The following ABCC4 variants were observed in gnomAD, a reference collection of about 807,000 sequenced individuals.
ABCC4 encodes the protein ATP binding cassette subfamily C member 4 (PEL blood group).
ABCC4 carries 102 observed loss-of-function variants against 168.5 expected under a neutral mutation model. The ratio of observed to expected loss-of-function variants is 0.61; its 90% CI spans 0.52 to 0.71. ABCC4 has a LOEUF of 0.71. Among genes scored for constraint, ABCC4 ranks in the 30% least tolerant of loss-of-function variants. The probability of loss-of-function intolerance (pLI) is 0.00; values close to 1 mark genes in which losing one functional copy is unlikely to be tolerated. For synonymous variants in ABCC4, 617 were observed against 590.7 expected, an observed-to-expected ratio of 1.04 and a Z score of -0.65; for missense variants, 1,402 against 1,605.8, an observed-to-expected ratio of 0.87 and a Z score of 2.17.
At chr13:95,267,240 G>A (rs373217937) in intron 1 of ABCC4, among the ~76,000 whole-genome samples, 40 of 152,144 alleles carry the variant, frequency 2.6e-4, no homozygotes, top group African/African-American at 8.2e-4. Context: ...AGAGGGCCTC[G>A]GTGGGAGGCA....
At chr13:95,074,395 G>A (rs1160697941) in intron 22 of ABCC4, 71 bp from the exon 23 acceptor site, 1 of 1,277,556 alleles carries the variant, frequency 7.8e-7, no homozygotes, top group Non-Finnish European at 1.1e-6. Context: ...GCTCAGTTGA[G>A]CTACAGAAGA....
intron 4 of ABCC4, among the ~76,000 whole-genome samples, chr13:95,232,382 C>T (rs1003280401): frequency 6.6e-6 from 1 of 152,050 alleles, no homozygotes; most frequent in African/African-American, 2.4e-5. Context: ...AAGAAGAATA[C>T]TTTAAATTTA....
chr13:95,172,752 G>A (rs955780206), intron 13 of ABCC4, among the ~76,000 whole-genome samples: 2 of 151,150 alleles, frequency 1.3e-5, no homozygotes, highest in Non-Finnish European at 3.0e-5. Context: ...GCAACATGGA[G>A]AGATCCCATC....
Position 95,247,631 on chromosome 13 carries a change from C to T in ABCC4, c.185+12G>A, listed in dbSNP as rs1293284437. On this transcript the variant is annotated intron_variant, in intron 2 of 30. Transcript: ENST00000645237. Reference sequence around the variant, plus strand: ...CGCTTCCTTAATGCCCACTTTACTGCCTCCGACTTACCCTTGCAACTCCTC... The same window carrying T: ...CGCTTCCTTAATGCCCACTTTACTGTCTCCGACTTACCCTTGCAACTCCTC... 1.9e-6 allele frequency: 3 copies of T among 1,606,436 alleles called. No homozygotes were observed. The South Asian group carries it at 3.3e-5, about 18-fold the overall frequency.
At chr13:95,229,994 A>G (rs980724719) in intron 4 of ABCC4, among the ~76,000 whole-genome samples, 1 of 152,202 alleles carries the variant, frequency 6.6e-6, no homozygotes, top group Non-Finnish European at 1.5e-5. Flanking sequence ...CTAAAAAGTA[A>G]AAACAGGAGA....
In ABCC4 at chr13:95,190,689, G is replaced by A. The variant is rs2038225342; in HGVS notation, c.1264-2147C>T. On this transcript the variant is annotated intron_variant, in intron 9 of 30. Coordinates refer to ENST00000645237, the MANE Select transcript of ABCC4 (RefSeq NM_005845.5). Reference sequence around the variant, plus strand: ...TGTCCAAACCCAGACATCAACACTAGTAGACAAAAATTGATACTGTTAAGT... The same window carrying A: ...TGTCCAAACCCAGACATCAACACTAATAGACAAAAATTGATACTGTTAAGT... 2.0e-5 allele frequency among the ~76,000 whole-genome samples: 3 copies of A among 152,294 alleles called. No homozygotes were observed. The South Asian group carries it at 6.2e-4, about 32-fold the overall frequency.
intron 1 of ABCC4, among the ~76,000 whole-genome samples, chr13:95,258,744 C>G (rs2040454833): frequency 6.6e-6 from 1 of 152,086 alleles, no homozygotes; most frequent in African/African-American, 2.4e-5. Flanking sequence ...TGGGGCCCAG[C>G]AACCCTCTTT....
At chr13:95,065,162 C>G (rs1002965435) in intron 25 of ABCC4, among the ~76,000 whole-genome samples, 2 of 152,170 alleles carry the variant, frequency 1.3e-5, no homozygotes, top group African/African-American at 4.8e-5. Context: ...TCAAAACACC[C>G]ATCTCCCAGG....
In ABCC4 at chr13:95,186,709, G is replaced by GAGCACAAGCCTTTATGACTTTTTCAT; in HGVS notation, c.1511_1536dup (p.Leu513MetfsTer5). ...CAAAAGTCATCACTCACCTTTTTCA[G>GAGCACAAGCCTTTATGACTTTTTCAT]AGCACAAGCCTTTATGACTTTTTCA... On this transcript the variant is annotated stop_gained and frameshift_variant, in exon 11 of 31. Coordinates refer to ENST00000645237, the MANE Select transcript of ABCC4 (RefSeq NM_005845.5). LOFTEE classifies it high-confidence loss of function. 3 of 1,612,244 alleles carry GAGCACAAGCCTTTATGACTTTTTCAT rather than the reference G, an allele frequency of 1.9e-6. No homozygotes were observed. Among genetic ancestry groups the GAGCACAAGCCTTTATGACTTTTTCAT allele is most frequent in the Admixed American group, 1.7e-5 (1 of 59,752 alleles).
At chr13:95,109,564 T>C (rs1329481367) in intron 20 of ABCC4, among the ~76,000 whole-genome samples, 1 of 152,216 alleles carries the variant, frequency 6.6e-6, no homozygotes, top group Non-Finnish European at 1.5e-5. Context: ...CAAATCTATT[T>C]AGATATTTAT....
chr13:95,106,265 G>T (rs1463436254), intron 20 of ABCC4, among the ~76,000 whole-genome samples: 1 of 151,792 alleles, frequency 6.6e-6, no homozygotes, highest in Non-Finnish European at 1.5e-5. Context: ...TTTAAGATGG[G>T]CATCAAGCTA....
chr13:95,072,132 T>C (rs2033747340), intron 24 of ABCC4, among the ~76,000 whole-genome samples: 1 of 152,204 alleles, frequency 6.6e-6, no homozygotes, highest in South Asian at 2.1e-4. Flanking sequence ...AAGAAAATTT[T>C]GTAAAGGAAA....
At chr13:95,098,592 A>C (rs1462014066) in intron 20 of ABCC4, among the ~76,000 whole-genome samples, 1 of 152,208 alleles carries the variant, frequency 6.6e-6, no homozygotes, top group Non-Finnish European at 1.5e-5. Flanking sequence ...AAATAAGCAA[A>C]TGTATTAAAA....
chr13:95,177,728 A>C lies in ABCC4; in HGVS notation c.1706T>G (p.Val569Gly). 6.2e-7 allele frequency: 1 copy of C among 1,610,724 alleles called. No homozygotes were observed. The highest frequency in any genetic ancestry group is 8.5e-7 in the Non-Finnish European group (1 of 1,177,226). ...TCACAGTTCGAACAAGTGTCTGCTA[A>C]CTTCCGCATCTACTGCACTGAGAGG... Reference protein sequence around the residue: ...DDPLSAVDAEVSRHLFELCIC... With the variant: ...DDPLSAVDAEGSRHLFELCIC... The change falls in exon 13 of 31, where the codon GTT (valine) becomes GGT (glycine). Residue 569 changes from valine to glycine, a missense_variant. By Grantham distance (109) the Val-to-Gly change is moderately radical (BLOSUM62 -3). Coordinates refer to ENST00000645237, the MANE Select transcript of ABCC4 (RefSeq NM_005845.5).
chr13:95,150,342 G>A (rs1298748872), intron 19 of ABCC4, among the ~76,000 whole-genome samples: 3 of 152,166 alleles, frequency 2.0e-5, no homozygotes, highest in South Asian at 2.1e-4. Flanking sequence ...CTTTCCAGGT[G>A]TTCAAGAGGT....
intron 13 of ABCC4, among the ~76,000 whole-genome samples, chr13:95,174,098 G>T (rs1307176027): frequency 1.3e-5 from 2 of 152,220 alleles, no homozygotes; most frequent in Non-Finnish European, 2.9e-5. Context: ...GACTCAAAGA[G>T]GCAGGGGTCT....
chr13:95,035,726 G>A (rs1021742984), intron 29 of ABCC4, among the ~76,000 whole-genome samples: 1 of 152,182 alleles, frequency 6.6e-6, no homozygotes, highest in African/African-American at 2.4e-5. Flanking sequence ...AATGGTTTCA[G>A]AGGGAAGAAA....
intron 1 of ABCC4, among the ~76,000 whole-genome samples, chr13:95,280,439 T>G (rs888065099): frequency 6.9e-6 from 1 of 144,366 alleles, no homozygotes; most frequent in African/African-American, 2.6e-5. Context: ...AAAAAAGGCC[T>G]AAGGCTTACT....
At chr13:95,131,228 A>C (rs768823961) in intron 19 of ABCC4, among the ~76,000 whole-genome samples, 2 of 152,184 alleles carry the variant, frequency 1.3e-5, no homozygotes. Flanking sequence ...TCTAATTTTC[A>C]AGTGTAGGAT....
Sources: allele counts gnomAD v4.1 joint callset (sites outside exome capture counted in the v4.1 genomes callset), GRCh38; gene constraint gnomAD v4.1.1; transcripts MANE v1.5; gene names NCBI Gene and HGNC (gene_info 2026-07-23, HGNC 2026-07-21).